The following PRCP variants were observed in gnomAD, a reference collection of about 807,000 sequenced individuals.
PRCP encodes the protein lysosomal Pro-X carboxypeptidase.
In PRCP, 46 loss-of-function variants were observed where a neutral mutation model predicts 54.2. The ratio of observed to expected loss-of-function variants is 0.85; its 90% CI spans 0.67 to 1.09. The LOEUF is 1.09. Ranked by LOEUF, PRCP falls within the 50% of genes least tolerant of loss-of-function variation. The probability of loss-of-function intolerance (pLI) is 0.00; values close to 1 mark genes in which losing one functional copy is unlikely to be tolerated. For synonymous variants in PRCP, 240 were observed against 212.2 expected (o/e 1.13, Z -1.14); for missense variants, 613 against 596.8 (o/e 1.03, Z -0.28).
chr11:82,841,194 G>A (rs1858658671), intron 6 of PRCP, among the ~76,000 whole-genome samples: 1 of 150,962 alleles, frequency 6.6e-6, no homozygotes, highest in African/African-American at 2.4e-5. Flanking sequence ...GTCAGGAAAG[G>A]AGGGTACTGA....
chr11:82,883,283 C>A (rs1859793971), intron 1 of PRCP, among the ~76,000 whole-genome samples: 6 of 152,222 alleles, frequency 3.9e-5, no homozygotes, highest in Admixed American at 3.9e-4. Flanking sequence ...CAAAGCAGTT[C>A]CTAACAAGAG....
intron 1 of PRCP, among the ~76,000 whole-genome samples, chr11:82,887,106 T>C (rs1859878245): frequency 6.6e-6 from 1 of 152,208 alleles, no homozygotes; most frequent in African/African-American, 2.4e-5. Flanking sequence ...TGATATACCT[T>C]CTACCTTGAC....
chr11:82,853,109 T>C (rs1858996453), intron 3 of PRCP, 68 bp downstream of exon 3: 5 of 1,162,560 alleles, frequency 4.3e-6, no homozygotes, highest in Admixed American at 2.6e-5. Context: ...CAGTGGGGCA[T>C]ATAATTTAGA....
chr11:82,888,540 G>A (rs1199464516), intron 1 of PRCP, among the ~76,000 whole-genome samples: 1 of 152,148 alleles, frequency 6.6e-6, no homozygotes, highest in Non-Finnish European at 1.5e-5. Context: ...TTCCTCTTGT[G>A]TTCATTCTCC....
At chr11:82,884,756 C>T in intron 1 of PRCP, 1 of 1,600,206 alleles carries the variant, frequency 6.2e-7, no homozygotes. Context: ...CATTTATTAG[C>T]TACTTAACCA....
intron 1 of PRCP, among the ~76,000 whole-genome samples, chr11:82,877,808 C>G (rs1006212798): frequency 1.3e-5 from 2 of 152,194 alleles, no homozygotes; most frequent in African/African-American, 4.8e-5. Flanking sequence ...CACACAGAGT[C>G]TCTACTGGGG....
At chr11:82,849,698 G>A (rs191478120) in intron 5 of PRCP, among the ~76,000 whole-genome samples, 18 of 152,340 alleles carry the variant, frequency 1.2e-4, no homozygotes, top group Non-Finnish European at 1.5e-4. Context: ...CTGAGATGCT[G>A]ACAACGCCCT....
intron 1 of PRCP, chr11:82,884,841 AT>A: frequency 6.2e-7 from 1 of 1,613,608 alleles, no homozygotes; most frequent in Non-Finnish European, 8.5e-7. Context: ...TCTTGTAATG[AT>A]TTAGTTGGAT....
intron 1 of PRCP, among the ~76,000 whole-genome samples, chr11:82,872,292 T>C (rs1024921557): frequency 1.3e-5 from 2 of 152,138 alleles, no homozygotes; most frequent in Non-Finnish European, 2.9e-5. Context: ...AAATTGAAAG[T>C]CATGTAGGTA....
chr11:82,880,382 C>G (rs1343625699), intron 1 of PRCP, among the ~76,000 whole-genome samples: 1 of 152,206 alleles, frequency 6.6e-6, no homozygotes, highest in African/African-American at 2.4e-5. Context: ...TTGCTAAGAC[C>G]ATTGGAAAAG....
intron 6 of PRCP, chr11:82,840,899 C>A (rs1182899676): frequency 6.6e-6 from 1 of 151,946 alleles, no homozygotes; most frequent in Admixed American, 6.6e-5. Context: ...TACATCTTAT[C>A]CATTATGACA....
intron 1 of PRCP, among the ~76,000 whole-genome samples, chr11:82,896,543 G>T (rs1860123242): frequency 6.6e-6 from 1 of 151,818 alleles, no homozygotes; most frequent in Admixed American, 6.6e-5. Flanking sequence ...GCCAGGCGTG[G>T]TGGCGGGCAC....
At chr11:82,847,372 T>C (rs537728838) in intron 6 of PRCP, among the ~76,000 whole-genome samples, 40 of 152,328 alleles carry the variant, frequency 2.6e-4, no homozygotes, top group Non-Finnish European at 4.3e-4. Context: ...CAAGTTCAAA[T>C]CCTACTTCTA....
intron 1 of PRCP, among the ~76,000 whole-genome samples, chr11:82,882,537 C>T (rs1035005822): frequency 4.0e-5 from 6 of 148,250 alleles, no homozygotes; most frequent in Non-Finnish European, 5.9e-5. Context: ...GCTCTGTCGC[C>T]CAGGCTGGAG....
chr11:82,855,606 G>T (rs12283459), intron 2 of PRCP, among the ~76,000 whole-genome samples: 1 of 151,968 alleles, frequency 6.6e-6, no homozygotes, highest in African/African-American at 2.4e-5. Context: ...GCAACAGAGC[G>T]AGACTCTGTT....
intron 6 of PRCP, chr11:82,839,792 C>G (rs1387473462): frequency 5.6e-5 from 13 of 234,210 alleles, no homozygotes; most frequent in Non-Finnish European, 1.0e-4. Context: ...TCCTCTCCCA[C>G]TCCACTAATG....
intron 1 of PRCP, among the ~76,000 whole-genome samples, chr11:82,894,888 C>T (rs60251302): frequency 0.24 from 36,457 of 152,042 alleles, 5,469 homozygotes; most frequent in African/African-American, 0.42. Flanking sequence ...ACTTTATCAA[C>T]ACTTAAAATA....
intron 6 of PRCP, chr11:82,839,986 A>G (rs1187621061): frequency 6.6e-6 from 1 of 152,362 alleles, no homozygotes; most frequent in African/African-American, 2.4e-5. Context: ...ACTTGATTTC[A>G]GAATGTCTCC....
intron 1 of PRCP, among the ~76,000 whole-genome samples, chr11:82,892,402 T>TA (rs1182333945): frequency 6.6e-6 from 1 of 152,176 alleles, no homozygotes; most frequent in Non-Finnish European, 1.5e-5. Context: ...CTAGGGTTTT[T>TA]AAAATTGTGA....
Sources: gnomAD v4.1 joint callset for allele counts (sites outside exome capture counted in the v4.1 genomes callset) on GRCh38, gnomAD v4.1.1 for gene constraint, MANE v1.5 for transcripts, NCBI Gene and HGNC (gene_info 2026-07-23, HGNC 2026-07-21) for gene names.